ARHGAP19: variants seen among roughly 807,000 people sequenced by gnomAD.
ARHGAP19 encodes the protein Rho GTPase activating protein 19.
A neutral mutation model predicts 60.9 loss-of-function variants in ARHGAP19; 48 were observed. The observed-to-expected ratio is 0.79, with a 90% CI of 0.62 to 1.00. The LOEUF (loss-of-function observed/expected upper bound fraction) is 1.00. Among genes scored for constraint, ARHGAP19 ranks in the 50% least tolerant of loss-of-function variants. The pLI, the probability that ARHGAP19 is intolerant of heterozygous loss-of-function variation, is 0.00. For synonymous variants in ARHGAP19, 209 were observed against 215.5 expected, an observed-to-expected ratio of 0.97 and a Z score of 0.27; for missense variants, 562 against 597.2, an observed-to-expected ratio of 0.94 and a Z score of 0.61.
rs376729299 is a variant in ARHGAP19 at position 97,247,301 on chromosome 10, C to A, written c.928-964G>T. Among the ~76,000 whole-genome samples the A allele has an allele frequency of 1.1e-4, 17 of 152,144 alleles. No homozygotes were observed. The East Asian group carries it at 2.5e-3, about 22-fold the overall frequency. The stretch of plus-strand genomic sequence containing the variant: ...CTCCAGCCTAGGCAACAGAGCAAGA[C>A]CCTGTCTCAAAAAAGAAAGAAAGAA... On this transcript the variant is annotated intron_variant, in intron 6 of 11. Transcript: ENST00000358531.
At position 97,233,847 on chromosome 10, in the gene ARHGAP19, G is replaced by A. The variant is rs189360365; in HGVS notation, c.1284+1370C>T. ...CAAGCCACTGCACTCCAGCCTGGGT[G>A]ACAGAGAGAGACTCCATCTAAAAAA... On this transcript the variant is annotated intron_variant, in intron 9 of 11. Transcript: ENST00000358531. 3.3e-5 allele frequency among the ~76,000 whole-genome samples: 5 copies of A among 149,714 alleles called. No individual in the cohort carries two copies. The East Asian group carries it at 9.9e-4, about 30-fold the overall frequency.
chr10:97,256,827 A>G (rs1211253607), intron 5 of ARHGAP19, among the ~76,000 whole-genome samples: 2 of 152,200 alleles, frequency 1.3e-5, no homozygotes, highest in Non-Finnish European at 2.9e-5. Flanking sequence ...GTTTCTTAAA[A>G]ACACAGTAAA....
Position 97,259,587 on chromosome 10 carries a change from G to C in ARHGAP19, c.655C>G (p.Pro219Ala). The change falls in exon 5 of 12, where the codon CCA (proline) becomes GCA (alanine). Residue 219 changes from proline to alanine, a missense_variant. Pro to Ala is a conservative substitution (Grantham distance 27, BLOSUM62 -1). Coordinates refer to ENST00000358531, the MANE Select transcript of ARHGAP19 (RefSeq NM_032900.6). ...GCCTCAATTTGCCGGTCCTTGTCTG[G>C]TATATTGGTCTTGTTTCCTTTATCA... ...FDDKGNKTNI[P>A]DKDRQIEALQ... 1.9e-6 allele frequency: 3 copies of C among 1,614,140 alleles called. No homozygotes were observed. The highest frequency in any genetic ancestry group is 2.5e-6 in the Non-Finnish European group (3 of 1,180,012).
At chr10:97,285,501 T>A (rs551642396) in intron 1 of ARHGAP19, among the ~76,000 whole-genome samples, 1 of 103,622 alleles carries the variant, frequency 9.7e-6, no homozygotes, top group South Asian at 3.6e-4. Context: ...CCTAGATAAT[T>A]TTCTCTTTTT....
intron 6 of ARHGAP19, among the ~76,000 whole-genome samples, chr10:97,247,098 T>C (rs1842574757): frequency 6.6e-6 from 1 of 151,488 alleles, no homozygotes; most frequent in Non-Finnish European, 1.5e-5. Context: ...GATCACACCA[T>C]TGCACTCCAG....
intron 4 of ARHGAP19, among the ~76,000 whole-genome samples, chr10:97,262,913 T>C (rs1326092714): frequency 6.6e-6 from 1 of 152,096 alleles, no homozygotes; most frequent in African/African-American, 2.4e-5. Flanking sequence ...CCCAGGAGTT[T>C]GAGTCTGGGC....
At chr10:97,240,772 T>G (rs1472507499) in intron 8 of ARHGAP19, among the ~76,000 whole-genome samples, 1 of 152,264 alleles carries the variant, frequency 6.6e-6, no homozygotes, top group Admixed American at 6.5e-5. Flanking sequence ...TATGATTTTT[T>G]CTTTTGGCCC....
At position 97,246,267 on chromosome 10, in the gene ARHGAP19, C is replaced by T. The variant is rs1842561897; in HGVS notation, c.993+5G>A. ...TTTGGGTTAAGAGCAGATTCCTATT[C>T]TTACCTTTGATGCCTGAGTTCTGGA... On this transcript the variant is annotated splice_donor_5th_base_variant and intron_variant, in intron 7 of 11. Transcript: ENST00000358531. 7 of 1,612,756 alleles carry T rather than the reference C, an allele frequency of 4.3e-6. No homozygotes were observed. The highest frequency in any genetic ancestry group is 1.1e-5 in the South Asian group (1 of 91,026).
intron 9 of ARHGAP19, among the ~76,000 whole-genome samples, chr10:97,232,429 C>T (rs1436728919): frequency 6.6e-6 from 1 of 152,136 alleles, no homozygotes; most frequent in Non-Finnish European, 1.5e-5. Flanking sequence ...TCCCAAAGTA[C>T]TGGGATTACA....
chr10:97,266,252 C>T, intron 1 of ARHGAP19, 127 bp from the exon 2 acceptor site: 2 of 1,092,042 alleles, frequency 1.8e-6, no homozygotes, highest in Non-Finnish European at 2.6e-6. Context: ...CTTCCTTTAA[C>T]TGAGCCAGAT....
intron 8 of ARHGAP19, among the ~76,000 whole-genome samples, chr10:97,241,933 C>A (rs1023418462): frequency 6.6e-6 from 1 of 151,232 alleles, no homozygotes; most frequent in Non-Finnish European, 1.5e-5. Flanking sequence ...TGGCGTGAAC[C>A]CAGGAGGCGG....
At chr10:97,232,634 C>T (rs1016293217) in intron 9 of ARHGAP19, among the ~76,000 whole-genome samples, 1 of 152,184 alleles carries the variant, frequency 6.6e-6, no homozygotes, top group East Asian at 1.9e-4. Context: ...TCAAGTAAGC[C>T]TAATGTCCTA....
At chr10:97,288,447 G>A (rs999014614) in intron 1 of ARHGAP19, among the ~76,000 whole-genome samples, 2 of 152,110 alleles carry the variant, frequency 1.3e-5, no homozygotes, top group East Asian at 3.9e-4. Flanking sequence ...GAGCGTGCTG[G>A]CACACGCCTG....
At chr10:97,286,982 C>CT (rs1843164778) in intron 1 of ARHGAP19, among the ~76,000 whole-genome samples, 1 of 152,124 alleles carries the variant, frequency 6.6e-6, no homozygotes, top group African/African-American at 2.4e-5. Flanking sequence ...GGGTCTCACT[C>CT]TATCACCCAG....
At chr10:97,259,715 C>G (rs943045222) in intron 4 of ARHGAP19, 87 bp from the exon 5 acceptor site, 8 of 923,792 alleles carry the variant, frequency 8.7e-6, no homozygotes, top group Non-Finnish European at 1.2e-5. Context: ...CCCTCAACTC[C>G]CATCAAAGAA....
intron 5 of ARHGAP19, 38 bp downstream of exon 5, chr10:97,259,364 A>G (rs1842796807): frequency 3.2e-6 from 5 of 1,543,598 alleles, no homozygotes; most frequent in African/African-American, 1.4e-5. Context: ...CCAGCCCAAG[A>G]AAACCAAGCA....
rs751800497 is a variant in ARHGAP19 at position 97,252,022 on chromosome 10, A to G, written c.927+4296T>C. Among the ~76,000 whole-genome samples, 114 of 151,978 alleles carry G rather than the reference A, an allele frequency of 7.5e-4. 3 individuals are homozygous for G. Among genetic ancestry groups the G allele is most frequent in the Non-Finnish European group, 4.7e-4 (32 of 68,002 alleles). On this transcript the variant is annotated intron_variant, in intron 6 of 11. Transcript: ENST00000358531. The stretch of plus-strand genomic sequence containing the variant: ...AGTATTAGAAATTGGCCTTAACTGT[A>G]TATACATTGTAAATCTCTAGGAAAA...
At chr10:97,251,925 G>C (rs1310789935) in intron 6 of ARHGAP19, among the ~76,000 whole-genome samples, 1 of 150,784 alleles carries the variant, frequency 6.6e-6, no homozygotes, top group Non-Finnish European at 1.5e-5. Context: ...ACAATTCATA[G>C]AGAAACAACA....
At chr10:97,274,791 T>C (rs1324008978) in intron 1 of ARHGAP19, among the ~76,000 whole-genome samples, 1 of 152,028 alleles carries the variant, frequency 6.6e-6, no homozygotes. Flanking sequence ...ACCAGGAAAA[T>C]TAGTAGCTAG....
Sources: gnomAD v4.1 joint callset for allele counts (sites outside exome capture counted in the v4.1 genomes callset) on GRCh38, gnomAD v4.1.1 for gene constraint, MANE v1.5 for transcripts, NCBI Gene and HGNC (gene_info 2026-07-23, HGNC 2026-07-21) for gene names.